Variants in PTPRN2 observed in about 807,000 individuals in gnomAD.
PTPRN2 encodes receptor-type tyrosine-protein phosphatase N2.
Under a neutral mutation model 118.8 loss-of-function variants are expected in PTPRN2, and 74 were observed. That is an observed-to-expected ratio of 0.62 (90% CI 0.52 to 0.76). The LOEUF (loss-of-function observed/expected upper bound fraction) is 0.76. PTPRN2 is among the 30% of genes least tolerant of loss of function. The pLI is 0.00. For synonymous variants in PTPRN2, 641 were observed against 608.0 expected, an observed-to-expected ratio of 1.05 and a Z score of -0.80; for missense variants, 1,481 against 1,394.4, an observed-to-expected ratio of 1.06 and a Z score of -0.99.
chr7:158,299,685 C>T (rs181448798), intron 3 of PTPRN2, among the ~76,000 whole-genome samples: 1 of 152,270 alleles, frequency 6.6e-6, no homozygotes, highest in East Asian at 1.9e-4. Context: ...ACCTCTCTGA[C>T]AGTTTTCAGC....
chr7:157,731,573 CAGTT>C (rs1476345253), intron 12 of PTPRN2, among the ~76,000 whole-genome samples: 1 of 127,584 alleles, frequency 7.8e-6, no homozygotes, highest in Non-Finnish European at 1.8e-5. Context: ...GCGCCCAGCA[CAGTT>C]ACTCTTTTCC....
At chr7:158,070,605 TGCTCCTGGTGGTGGA>T in intron 11 of PTPRN2, among the ~76,000 whole-genome samples, 1 of 83,626 alleles carries the variant, frequency 1.2e-5, no homozygotes, top group Non-Finnish European at 2.2e-5. Flanking sequence ...GTGGTGGAGG[TGCTCCTGGTGGTGGA>T]GGTGCCCCTG....
intron 22 of PTPRN2, among the ~76,000 whole-genome samples, chr7:157,547,051 T>G (rs1474528523): frequency 1.3e-5 from 2 of 152,098 alleles, no homozygotes; most frequent in Non-Finnish European, 2.9e-5. Context: ...GACAGGCAGG[T>G]GTTCTGGGTG....
Position 158,263,344 on chromosome 7 carries a change from A to T in PTPRN2, c.277+53475T>A, listed in dbSNP as rs187801482. 6.0e-3 allele frequency among the ~76,000 whole-genome samples: 907 copies of T among 151,470 alleles called. 15 individuals carry two copies. The highest frequency in any genetic ancestry group is 6.8e-3 in the Non-Finnish European group (464 of 67,892). ...ACAGCTGTACCTACTGCACATGTAC[A>T]TGTGTACACATATGAGCACACACAT... On this transcript the variant is annotated intron_variant, in intron 3 of 22. Coordinates refer to ENST00000389418, the MANE Select transcript of PTPRN2 (RefSeq NM_002847.5).
chr7:158,294,822 G>C (rs1800355588), intron 3 of PTPRN2, among the ~76,000 whole-genome samples: 1 of 152,014 alleles, frequency 6.6e-6, no homozygotes, highest in Non-Finnish European at 1.5e-5. Flanking sequence ...CTGCCTGTCT[G>C]CCCAGACACT....
intron 5 of PTPRN2, among the ~76,000 whole-genome samples, chr7:158,181,516 C>A (rs1357980292): frequency 6.6e-6 from 1 of 152,136 alleles, no homozygotes; most frequent in Non-Finnish European, 1.5e-5. Flanking sequence ...AGAATTGGTA[C>A]CAATTCTTTG....
chr7:157,545,151 GGGTGTGTGC>G (rs758291478), intron 22 of PTPRN2, among the ~76,000 whole-genome samples: 20 of 151,292 alleles, frequency 1.3e-4, no homozygotes, highest in Non-Finnish European at 2.2e-4. Context: ...GCAGGTGTGT[GGGTGTGTGC>G]AGTGTGTGGC....
chr7:157,644,043 C>T (rs1292033576), intron 14 of PTPRN2, among the ~76,000 whole-genome samples: 1 of 152,230 alleles, frequency 6.6e-6, no homozygotes, highest in Non-Finnish European at 1.5e-5. Flanking sequence ...CATCAGGCGT[C>T]GGTCCCTGTT....
Position 157,590,753 on chromosome 7 carries a change from C to T in PTPRN2, c.2496+4485G>A, listed in dbSNP as rs1800941735. Reference sequence around the variant, plus strand: ...CTCACCGAGGGGACTTCCCCTGAACCCGTCTTCCAGGCTCCCCCCTTCTGG... The same window carrying T: ...CTCACCGAGGGGACTTCCCCTGAACTCGTCTTCCAGGCTCCCCCCTTCTGG... On this transcript the variant is annotated intron_variant, in intron 17 of 22. Transcript: ENST00000389418. The surrounding 1 kb of genome is among the most constrained non-coding windows in gnomAD (Gnocchi z 4.0). Among the ~76,000 whole-genome samples, 1 of 152,082 alleles carries T rather than the reference C, an allele frequency of 6.6e-6. No homozygotes were observed. Among genetic ancestry groups the T allele is most frequent in the African/African-American group, 2.4e-5 (1 of 41,404 alleles).
At chr7:158,587,534 C>T (rs1337080906) in intron 1 of PTPRN2, 24 bp downstream of exon 1, 3 of 1,262,184 alleles carry the variant, frequency 2.4e-6, no homozygotes, top group East Asian at 6.3e-5. Context: ...TTGAGGCGCC[C>T]CTCCCCCGGC....
chr7:158,146,151 T>C (rs1179850754), intron 6 of PTPRN2, among the ~76,000 whole-genome samples: 1 of 152,108 alleles, frequency 6.6e-6, no homozygotes, highest in Non-Finnish European at 1.5e-5. Flanking sequence ...AGGTGAGAAG[T>C]GAGGAACACA....
chr7:158,270,941 AC>A (rs537785417), intron 3 of PTPRN2, among the ~76,000 whole-genome samples: 2 of 1,656 alleles, frequency 1.2e-3, no homozygotes, highest in African/African-American at 5.0e-3. Context: ...CACCTGGACC[AC>A]CCCCCCACCT....
intron 12 of PTPRN2, among the ~76,000 whole-genome samples, chr7:157,765,528 C>CCATCCAT (rs1372375599): frequency 6.6e-6 from 1 of 150,718 alleles, no homozygotes; most frequent in African/African-American, 2.4e-5. Flanking sequence ...ATTCACCCAC[C>CCATCCAT]CATCCATCAT....
chr7:158,149,105 C>CACCCCATCTCACGCCACGT (rs1820591713), intron 6 of PTPRN2, among the ~76,000 whole-genome samples: 4 of 6,302 alleles, frequency 6.3e-4, no homozygotes, highest in Admixed American at 1.5e-3. Flanking sequence ...TCACGCCACA[C>CACCCCATCTCACGCCACGT]GTCTTTCCCC....
chr7:158,496,073 C>T (rs1449810030), intron 1 of PTPRN2, among the ~76,000 whole-genome samples: 1 of 151,868 alleles, frequency 6.6e-6, no homozygotes, highest in Non-Finnish European at 1.5e-5. Flanking sequence ...AGCCCCTCTG[C>T]TGAGAGCCTA....
At chr7:158,184,965 G>A (rs746729128) in intron 5 of PTPRN2, among the ~76,000 whole-genome samples, 2 of 152,206 alleles carry the variant, frequency 1.3e-5, no homozygotes, top group Admixed American at 6.5e-5. Flanking sequence ...ATGGATGGAT[G>A]CTGGGTTTTG....
chr7:157,643,612 C>T (rs1283783959), intron 14 of PTPRN2, among the ~76,000 whole-genome samples: 1 of 152,238 alleles, frequency 6.6e-6, no homozygotes, highest in Non-Finnish European at 1.5e-5. Context: ...GAACCAGTGG[C>T]TGTGACTGCT....
intron 12 of PTPRN2, among the ~76,000 whole-genome samples, chr7:157,836,073 TA>T (rs1486536491): frequency 2.0e-5 from 3 of 152,212 alleles, no homozygotes; most frequent in Non-Finnish European, 4.4e-5. Context: ...CACACTCCCA[TA>T]GGAAAATTCA....
intron 12 of PTPRN2, among the ~76,000 whole-genome samples, chr7:157,744,065 A>G (rs944217011): frequency 6.6e-6 from 1 of 152,212 alleles, no homozygotes; most frequent in African/African-American, 2.4e-5. Flanking sequence ...GCTTGACACC[A>G]TCTGGATCCC....
Sources: allele counts gnomAD v4.1 joint callset (sites outside exome capture counted in the v4.1 genomes callset), GRCh38; gene constraint gnomAD v4.1.1; non-coding constraint Gnocchi (gnomAD v3.1); transcripts MANE v1.5; gene names NCBI Gene and HGNC (gene_info 2026-07-23, HGNC 2026-07-21).